Variants in PIK3R4 observed in about 807,000 individuals in gnomAD.
PIK3R4 encodes phosphoinositide-3-kinase regulatory subunit 4.
PIK3R4 carries 46 observed loss-of-function variants against 136.5 expected under a neutral mutation model. The ratio of observed to expected loss-of-function variants is 0.34; its 90% confidence interval spans 0.27 to 0.43. PIK3R4 has a LOEUF of 0.43. Ranked by LOEUF, PIK3R4 falls within the 20% of genes least tolerant of loss-of-function variation. The probability of loss-of-function intolerance (pLI) is 1.00; values close to 1 mark genes in which losing one functional copy is unlikely to be tolerated. For synonymous variants in PIK3R4, 557 were observed against 566.7 expected (o/e 0.98, Z 0.24); for missense variants, 1,331 against 1,649.5 (o/e 0.81, Z 3.35).
At chr3:130,717,474 G>C (rs2066672050) in intron 8 of PIK3R4, among the ~76,000 whole-genome samples, 1 of 151,808 alleles carries the variant, frequency 6.6e-6, no homozygotes, top group South Asian at 2.1e-4. Context: ...TTCTAAAAAG[G>C]CATTTTTTTC....
At chr3:130,727,027 GGTACA>G (rs1196109597) in intron 6 of PIK3R4, among the ~76,000 whole-genome samples, 1 of 152,064 alleles carries the variant, frequency 6.6e-6, no homozygotes, top group African/African-American at 2.4e-5. Flanking sequence ...GAAAAAAACA[GGTACA>G]GTAATTTCCA....
intron 6 of PIK3R4, among the ~76,000 whole-genome samples, chr3:130,726,324 GAAGT>G (rs1330647752): frequency 2.6e-5 from 4 of 151,932 alleles, no homozygotes; most frequent in Non-Finnish European, 5.9e-5. Flanking sequence ...ATAAAATTTG[GAAGT>G]AATATAATAT....
intron 2 of PIK3R4, among the ~76,000 whole-genome samples, chr3:130,742,257 T>C (rs1407305988): frequency 2.6e-5 from 4 of 152,160 alleles, no homozygotes; most frequent in Non-Finnish European, 4.4e-5. Context: ...GCCAAAACAA[T>C]GTAAGGCTCT....
At chr3:130,741,652 G>C (rs2066824483) in intron 2 of PIK3R4, among the ~76,000 whole-genome samples, 1 of 152,008 alleles carries the variant, frequency 6.6e-6, no homozygotes, top group Non-Finnish European at 1.5e-5. Context: ...TGCCCTACCA[G>C]CCTTTTCAAT....
intron 7 of PIK3R4, 99 bp from the exon 8 acceptor site, chr3:130,718,633 C>T: frequency 1.7e-6 from 2 of 1,180,636 alleles, no homozygotes; most frequent in Non-Finnish European, 1.2e-6. Context: ...AAGGATTTTG[C>T]CACAGTGTTA....
chr3:130,737,557 G>A (rs777774120), intron 2 of PIK3R4, among the ~76,000 whole-genome samples: 18 of 152,136 alleles, frequency 1.2e-4, no homozygotes, highest in Non-Finnish European at 2.1e-4. Flanking sequence ...CTACTTGGGA[G>A]GCTGAGACAG....
intron 16 of PIK3R4, among the ~76,000 whole-genome samples, chr3:130,682,387 A>G (rs1315934251): frequency 6.6e-6 from 1 of 152,192 alleles, no homozygotes; most frequent in Non-Finnish European, 1.5e-5. Flanking sequence ...ATGTTCCCCT[A>G]GTGCCTCCAG....
intron 13 of PIK3R4, among the ~76,000 whole-genome samples, chr3:130,695,807 C>T (rs1047577373): frequency 1.3e-5 from 2 of 152,070 alleles, no homozygotes; most frequent in Non-Finnish European, 2.9e-5. Context: ...TGGTACTATC[C>T]GAGGTTTGGG....
intron 16 of PIK3R4, among the ~76,000 whole-genome samples, chr3:130,681,929 G>A (rs1170752138): frequency 6.6e-6 from 1 of 152,130 alleles, no homozygotes; most frequent in Non-Finnish European, 1.5e-5. Context: ...AAACAAGTCA[G>A]TGTGGCAGGA....
chr3:130,725,858 T>A (rs1192581554), intron 6 of PIK3R4: 1 of 152,106 alleles, frequency 6.6e-6, no homozygotes, highest in Non-Finnish European at 1.5e-5. Context: ...AACTTGATAG[T>A]TAAGCTAAGA....
chr3:130,713,962 G>A (rs995367234), intron 9 of PIK3R4, among the ~76,000 whole-genome samples: 5 of 151,966 alleles, frequency 3.3e-5, no homozygotes, highest in East Asian at 1.9e-4. Context: ...ATGAGCCACC[G>A]CGCCGGGCCT....
At chr3:130,739,743 G>C (rs182860148) in intron 2 of PIK3R4, among the ~76,000 whole-genome samples, 180 of 152,238 alleles carry the variant, frequency 1.2e-3, no homozygotes, top group African/African-American at 4.2e-3. Flanking sequence ...AAAAACTATA[G>C]AGGGGAGACA....
At chr3:130,702,964 C>A (rs1291159833) in intron 13 of PIK3R4, among the ~76,000 whole-genome samples, 1 of 152,014 alleles carries the variant, frequency 6.6e-6, no homozygotes, top group Non-Finnish European at 1.5e-5. Context: ...TTGTTATATC[C>A]AGGATCTGAT....
Position 130,684,381 on chromosome 3 carries a change from C to T in PIK3R4, c.3476G>A (p.Gly1159Asp). ...ACAAGCCATGGTACCACTGCTTGTA[C>T]CTTAAAGAAAAAAGGAAAAAAAGAT... ...VDIHQCWLCI[G>D]TSSGTMACWD... The change falls in exon 16 of 20, where the codon GGT (glycine) becomes GAT (aspartate). Residue 1159 changes from glycine (G) to aspartate (D), a missense_variant and splice_region_variant. This residue lies in a region of PIK3R4 where 1,180 missense variants were observed against 1,407.0 expected (regional missense o/e 0.84). Coordinates refer to ENST00000356763, the MANE Select transcript of PIK3R4 (RefSeq NM_014602.3). 6.2e-7 allele frequency: 1 copy of T among 1,611,770 alleles called. No homozygotes were observed.
chr3:130,697,243 T>C (rs1325966101), intron 13 of PIK3R4, among the ~76,000 whole-genome samples: 1 of 151,944 alleles, frequency 6.6e-6, no homozygotes. Flanking sequence ...CAAAATTTTT[T>C]TGTATTTTTA....
At chr3:130,740,510 C>T (rs989801814) in intron 2 of PIK3R4, among the ~76,000 whole-genome samples, 7 of 151,998 alleles carry the variant, frequency 4.6e-5, no homozygotes, top group Middle Eastern at 3.4e-3. Flanking sequence ...GCCAAGGGGG[C>T]GCGGATCACT....
At chr3:130,734,180 T>G in intron 3 of PIK3R4, 50 bp from the exon 4 acceptor site, 1 of 1,449,300 alleles carries the variant, frequency 6.9e-7, no homozygotes, top group Non-Finnish European at 9.4e-7. Context: ...AATAGAAAAG[T>G]AAACCAGATG....
chr3:130,735,372 A>C (rs928165558), intron 3 of PIK3R4, among the ~76,000 whole-genome samples: 3 of 152,174 alleles, frequency 2.0e-5, no homozygotes, highest in African/African-American at 7.2e-5. Flanking sequence ...CCTCACGCCC[A>C]TTCTGCTATA....
At chr3:130,725,394 A>C (rs943419083) in intron 6 of PIK3R4, among the ~76,000 whole-genome samples, 3 of 151,990 alleles carry the variant, frequency 2.0e-5, no homozygotes, top group Non-Finnish European at 4.4e-5. Context: ...TTAATAAATT[A>C]TGCTGGAAAA....
Sources: gnomAD v4.1 joint callset for allele counts (sites outside exome capture counted in the v4.1 genomes callset) on GRCh38, gnomAD v4.1.1 for gene constraint, gnomAD v4.1.1 regional missense constraint, MANE v1.5 for transcripts, NCBI Gene and HGNC (gene_info 2026-07-23, HGNC 2026-07-21) for gene names.